Variants in SCPEP1 observed in about 807,000 individuals in gnomAD.
The protein encoded by SCPEP1 is retinoid-inducible serine carboxypeptidase.
Under a neutral mutation model 63.8 loss-of-function variants are expected in SCPEP1, and 51 were observed. The ratio of observed to expected loss-of-function variants is 0.80; its 90% CI spans 0.64 to 1.01. The LOEUF is 1.01. Ranked by LOEUF, SCPEP1 falls within the 50% of genes least tolerant of loss-of-function variation. SCPEP1 has a pLI of 0.00. For missense variants in SCPEP1, 499 were observed against 554.9 expected, an observed-to-expected ratio of 0.90 and a Z score of 1.01; for synonymous variants, 204 against 207.8, an observed-to-expected ratio of 0.98 and a Z score of 0.16.
At chr17:56,988,747 T>A (rs1911299541) in intron 5 of SCPEP1, among the ~76,000 whole-genome samples, 1 of 151,806 alleles carries the variant, frequency 6.6e-6, no homozygotes, top group African/African-American at 2.4e-5. Context: ...CTGCCTTGTA[T>A]AAAATATTAA....
Position 57,002,117 on chromosome 17 carries a change from C to T in SCPEP1, c.1232C>T (p.Thr411Ile). The T allele has an allele frequency of 6.2e-7, 1 of 1,614,220 alleles. No homozygotes were observed. The highest frequency in any genetic ancestry group is 8.5e-7 in the Non-Finnish European group (1 of 1,180,020). The change falls in exon 12 of 13, where the codon ACA becomes ATA. Residue 411 changes from threonine (T) to isoleucine (I), a missense_variant. By Grantham distance (89) the Thr-to-Ile change is moderately conservative (BLOSUM62 -1). Transcript: ENST00000262288. ...TACAGTGACCCTAAATCTTTGGAAACATCTGCTTTTGTCAAGTCCTACAAG... is the reference window on the plus strand; with the variant it reads ...TACAGTGACCCTAAATCTTTGGAAATATCTGCTTTTGTCAAGTCCTACAAG... ...ALYSDPKSLE[T>I]SAFVKSYKNL...
intron 4 of SCPEP1, 95 bp from the exon 5 acceptor site, chr17:56,988,121 T>C: frequency 9.5e-7 from 1 of 1,056,112 alleles, no homozygotes; most frequent in Non-Finnish European, 1.4e-6. Flanking sequence ...ATTTGTTTTT[T>C]CTGGTCATTA....
At chr17:56,979,824 A>G (rs1911018667) in intron 1 of SCPEP1, among the ~76,000 whole-genome samples, 1 of 151,472 alleles carries the variant, frequency 6.6e-6, no homozygotes, top group Admixed American at 6.6e-5. Flanking sequence ...TTCTGTTCTC[A>G]CCTCCATCAT....
chr17:56,987,567 C>T, intron 3 of SCPEP1, 128 bp from the exon 4 acceptor site: 2 of 721,794 alleles, frequency 2.8e-6, no homozygotes, highest in Non-Finnish European at 4.1e-6. Context: ...CTTTTAGCAA[C>T]AGGGATATCA....
At chr17:57,000,113 G>A (rs190364837) in intron 10 of SCPEP1, among the ~76,000 whole-genome samples, 5 of 152,124 alleles carry the variant, frequency 3.3e-5, no homozygotes, top group Admixed American at 2.0e-4. Flanking sequence ...TTGTGCCCCC[G>A]CTCTCCAGCC....
In SCPEP1 at chr17:56,987,781, C is replaced by T. The variant is rs112977786; in HGVS notation, c.402C>T (p.Asp134=). The change falls in exon 4 of 13, where the codon GAC becomes GAT. Residue 134 remains aspartate (D), a synonymous_variant. Coordinates refer to ENST00000262288, the MANE Select transcript of SCPEP1 (RefSeq NM_021626.3). ...ATGGTAGTGGTGCCTATGCCAAGGA[C>T]CTGGCTATGGTGGCTTCAGACATGA... ...YVNGSGAYAK[D]LAMVASDMMV... 1.5e-5 allele frequency: 25 copies of T among 1,614,124 alleles called. No individual in the cohort carries two copies. In the African/African-American group the frequency reaches 1.6e-4, roughly 10 times the overall value.
At chr17:56,998,055 T>C (rs576896542) in intron 9 of SCPEP1, 86 of 274,538 alleles carry the variant, frequency 3.1e-4, no homozygotes, top group African/African-American at 1.7e-3. Flanking sequence ...GGCTCACACC[T>C]GTAATCCCAC....
chr17:56,985,990 G>T (rs1395945506), intron 3 of SCPEP1, among the ~76,000 whole-genome samples: 1 of 151,810 alleles, frequency 6.6e-6, no homozygotes, highest in African/African-American at 2.4e-5. Flanking sequence ...ACCCAGCCTT[G>T]GGTCACTCCC....
chr17:56,981,325 G>C, intron 2 of SCPEP1, 95 bp downstream of exon 2: 1 of 1,412,428 alleles, frequency 7.1e-7, no homozygotes, highest in Non-Finnish European at 9.8e-7. Flanking sequence ...AGCAGTGAAG[G>C]GCGGATTTGG....
At chr17:56,999,221 C>T (rs2144504851) in intron 10 of SCPEP1, among the ~76,000 whole-genome samples, 1 of 152,228 alleles carries the variant, frequency 6.6e-6, no homozygotes, top group East Asian at 1.9e-4. Context: ...GTCAGAGACA[C>T]CCAGGTGCTC....
At chr17:56,995,841 A>G (rs1408685291) in intron 8 of SCPEP1, 2 of 352,126 alleles carry the variant, frequency 5.7e-6, no homozygotes, top group Non-Finnish European at 1.0e-5. Flanking sequence ...GGCCTGCAAG[A>G]CTTGCTTGTC....
chr17:56,987,497 T>G (rs1597916343), intron 3 of SCPEP1, 198 bp from the exon 4 acceptor site: 45 of 401,418 alleles, frequency 1.1e-4, no homozygotes, highest in East Asian at 1.7e-4. Context: ...GCGGGGGCGG[T>G]TGGCCTTTCT....
intron 10 of SCPEP1, among the ~76,000 whole-genome samples, chr17:56,999,231 C>T (rs1171286407): frequency 1.3e-5 from 2 of 152,110 alleles, no homozygotes; most frequent in African/African-American, 2.4e-5. Context: ...CCCAGGTGCT[C>T]GGGCAGATTT....
chr17:56,980,953 C>T (rs1911051015), intron 1 of SCPEP1, 129 bp from the exon 2 acceptor site: 1 of 1,025,154 alleles, frequency 9.8e-7, no homozygotes. Context: ...CTGCAATGTA[C>T]TGGGGTGGCT....
intron 2 of SCPEP1, chr17:56,985,103 T>TAAA (rs1911176102): frequency 1.0e-5 from 4 of 382,606 alleles, no homozygotes; most frequent in Non-Finnish European, 1.9e-5. Flanking sequence ...AGACTCTGTC[T>TAAA]GAAAAGAAAA....
chr17:56,982,503 C>A (rs1031256530), intron 2 of SCPEP1, among the ~76,000 whole-genome samples: 7 of 152,136 alleles, frequency 4.6e-5, no homozygotes, highest in Admixed American at 2.6e-4. Context: ...GAAAAAGAAC[C>A]CTTGTATGTC....
At chr17:56,992,724 G>C (rs1257302640) in intron 6 of SCPEP1, among the ~76,000 whole-genome samples, 1 of 152,184 alleles carries the variant, frequency 6.6e-6, no homozygotes, top group African/African-American at 2.4e-5. Flanking sequence ...GAGACTTAGA[G>C]AGGTTAAGCA....
In SCPEP1 at chr17:56,998,269, C is replaced by T. The variant is rs148137974; in HGVS notation, c.881-116C>T. On this transcript the variant is annotated intron_variant, in intron 9 of 12. Transcript: ENST00000262288. ...GAGGTTTCAGTGAGCCGAGATCGTG[C>T]CACTGCACTCCAGCCTGGAGACAGA... 0.011 allele frequency: 7,531 copies of T among 655,726 alleles called. 390 individuals are homozygous for T. The African/African-American group carries it at 0.12, about 10-fold the overall frequency. 40.6% of individuals were successfully genotyped at this position (655,726 alleles called of 1,614,324 possible). A position where few individuals can be genotyped will look rare whatever the true frequency, so the allele number is the denominator to read the frequency against.
intron 1 of SCPEP1, 89 bp from the exon 2 acceptor site, chr17:56,980,993 C>G: frequency 6.9e-7 from 1 of 1,445,844 alleles, no homozygotes; most frequent in South Asian, 1.2e-5. Context: ...CAAATCATCT[C>G]TAGCCTAGCA....
Sources: gnomAD v4.1 joint callset for allele counts (sites outside exome capture counted in the v4.1 genomes callset) on GRCh38, gnomAD v4.1.1 for gene constraint, MANE v1.5 for transcripts, NCBI Gene and HGNC (gene_info 2026-07-23, HGNC 2026-07-21) for gene names.